ANO2: variants seen among roughly 807,000 people sequenced by gnomAD.
ANO2 encodes the protein anoctamin-2.
A neutral mutation model predicts 124.2 loss-of-function variants in ANO2; 101 were observed. The observed-to-expected ratio is 0.81, with a 90% confidence interval of 0.69 to 0.96. ANO2 has a LOEUF of 0.96. ANO2 is among the 40% of genes least tolerant of loss of function. The pLI, the probability that ANO2 is intolerant of heterozygous loss-of-function variation, is 0.00. For synonymous variants in ANO2, 486 were observed against 482.5 expected (o/e 1.01, Z -0.09); for missense variants, 1,293 against 1,274.5 (o/e 1.01, Z -0.22).
intron 3 of ANO2, among the ~76,000 whole-genome samples, chr12:5,882,984 C>G (rs989575711): frequency 1.3e-5 from 2 of 152,150 alleles, no homozygotes; most frequent in Admixed American, 1.3e-4. Flanking sequence ...GCTGCATGAG[C>G]AGAGATGCTT....
In ANO2 at chr12:5,888,431, T is replaced by C. The variant is rs191975750; in HGVS notation, c.534+32609A>G. ...ATTGCCACCGCTGGCTCCAGCAGCC[T>C]GCTTTTATTCTCTTATCTGGCCCCA... On this transcript the variant is annotated intron_variant, in intron 3 of 24. Coordinates refer to ENST00000682330, the MANE Select transcript of ANO2 (RefSeq NM_001364791.2). Among the ~76,000 whole-genome samples the C allele has an allele frequency of 2.3e-3, 346 of 152,296 alleles. 2 individuals are homozygous for C. The highest frequency in any genetic ancestry group is 7.4e-3 in the African/African-American group (307 of 41,562).
chr12:5,761,310 C>T (rs1210784163), intron 10 of ANO2, among the ~76,000 whole-genome samples: 1 of 152,066 alleles, frequency 6.6e-6, no homozygotes, highest in Non-Finnish European at 1.5e-5. Context: ...GGGAAAAAGG[C>T]TCTTTATTTT....
intron 19 of ANO2, among the ~76,000 whole-genome samples, chr12:5,607,642 A>G (rs1023229265): frequency 6.6e-6 from 1 of 152,072 alleles, no homozygotes; most frequent in Non-Finnish European, 1.5e-5. Flanking sequence ...ATCTGTATTT[A>G]TAGCCACTCT....
chr12:5,945,896 T>C (rs1050952921), upstream of ANO2, among the ~76,000 whole-genome samples: 49 of 152,088 alleles, frequency 3.2e-4, no homozygotes, highest in African/African-American at 1.1e-3. Context: ...CATGAGACGC[T>C]AGGAGGGTTA....
At chr12:5,848,130 G>A (rs1477793712) in intron 4 of ANO2, among the ~76,000 whole-genome samples, 1 of 152,198 alleles carries the variant, frequency 6.6e-6, no homozygotes, top group Non-Finnish European at 1.5e-5. Flanking sequence ...GCAGAAGCTT[G>A]TGTGAACTTA....
chr12:5,651,475 C>T (rs1326653594), intron 14 of ANO2, among the ~76,000 whole-genome samples: 1 of 151,786 alleles, frequency 6.6e-6, no homozygotes, highest in South Asian at 2.1e-4. Flanking sequence ...GGCTGGAGTG[C>T]AATTGCACAA....
intron 1 of ANO2, among the ~76,000 whole-genome samples, chr12:5,932,679 G>A (rs202067205): frequency 4.3e-4 from 63 of 146,042 alleles, no homozygotes; most frequent in African/African-American, 1.5e-3. Flanking sequence ...GAAGGTAGAC[G>A]AGTAAGGAAG....
chr12:5,682,589 GC>G (rs1948544291), intron 14 of ANO2, among the ~76,000 whole-genome samples: 1 of 152,120 alleles, frequency 6.6e-6, no homozygotes, highest in African/African-American at 2.4e-5. Context: ...GGAACTTTCT[GC>G]CCCCCAGCTC....
intron 19 of ANO2, among the ~76,000 whole-genome samples, chr12:5,607,301 T>C (rs1408251098): frequency 6.6e-6 from 1 of 152,220 alleles, no homozygotes; most frequent in African/African-American, 2.4e-5. Context: ...CAGTAAAATG[T>C]TGGCCACCTG....
chr12:5,645,669 C>G (rs915133420), intron 15 of ANO2, among the ~76,000 whole-genome samples: 1 of 152,162 alleles, frequency 6.6e-6, no homozygotes, highest in Non-Finnish European at 1.5e-5. Flanking sequence ...CTGGTCTTTG[C>G]TGTCTGTTCC....
chr12:5,692,857 G>A (rs1176207953), intron 14 of ANO2, among the ~76,000 whole-genome samples: 5 of 152,172 alleles, frequency 3.3e-5, no homozygotes, highest in African/African-American at 7.2e-5. Flanking sequence ...GAACAAAGAA[G>A]ATTGAAAAGT....
chr12:5,755,476 T>C (rs888765886), intron 10 of ANO2, among the ~76,000 whole-genome samples: 1 of 152,126 alleles, frequency 6.6e-6, no homozygotes, highest in Non-Finnish European at 1.5e-5. Context: ...TACGTATGTA[T>C]ACATGTGCCA....
At chr12:5,630,999 C>A (rs1945691292) in intron 16 of ANO2, among the ~76,000 whole-genome samples, 1 of 152,174 alleles carries the variant, frequency 6.6e-6, no homozygotes, top group Admixed American at 6.5e-5. Flanking sequence ...TCCACGGCAG[C>A]CCCCATCAGT....
chr12:5,715,366 G>C (rs1016725641), intron 14 of ANO2, among the ~76,000 whole-genome samples: 1 of 152,144 alleles, frequency 6.6e-6, no homozygotes, highest in Non-Finnish European at 1.5e-5. Context: ...TACCTTCATT[G>C]AAGAGCTCTT....
chr12:5,914,124 C>T (rs530380444), intron 3 of ANO2, among the ~76,000 whole-genome samples: 34 of 151,862 alleles, frequency 2.2e-4, no homozygotes, highest in East Asian at 7.7e-4. Context: ...CACTTGAACC[C>T]GGGAGGCGGA....
chr12:5,759,345 T>A (rs2137104572), intron 10 of ANO2, among the ~76,000 whole-genome samples: 1 of 152,192 alleles, frequency 6.6e-6, no homozygotes, highest in East Asian at 1.9e-4. Flanking sequence ...AAGATCAAAG[T>A]CATTATATAG....
chr12:5,827,623 G>A, intron 7 of ANO2, 146 bp downstream of exon 7: 1 of 964,794 alleles, frequency 1.0e-6, no homozygotes, highest in Non-Finnish European at 1.6e-6. Flanking sequence ...GCCAAGGCAG[G>A]CTTCTCAGCC....
At chr12:5,707,372 C>T (rs1009461810) in intron 14 of ANO2, among the ~76,000 whole-genome samples, 2 of 152,186 alleles carry the variant, frequency 1.3e-5, no homozygotes, top group African/African-American at 4.8e-5. Context: ...AGTGTGAAAA[C>T]AAACTAATAC....
rs185209166 is a variant in ANO2 at position 5,563,542 on chromosome 12, G to A, written c.2754C>T (p.Leu918=). The A allele has an allele frequency of 3.4e-5, 55 of 1,613,968 alleles. No individual in the cohort carries two copies. The highest frequency in any genetic ancestry group is 1.6e-4 in the African/African-American group (12 of 75,046). Residue 918 remains leucine, a synonymous_variant, in exon 25 of 25, where the codon CTC becomes CTT. Transcript: ENST00000682330. The part of the protein sequence containing the change: ...FQNLVMFLSV[L]VDWMIPDIPT... ...GGATGTCTGGAATCATCCAGTCCACGAGGACGCTCAGGAACATCACGAGGT... is the reference window on the plus strand; with the variant it reads ...GGATGTCTGGAATCATCCAGTCCACAAGGACGCTCAGGAACATCACGAGGT...
Sources: gnomAD v4.1 joint callset for allele counts (sites outside exome capture counted in the v4.1 genomes callset) on GRCh38, gnomAD v4.1.1 for gene constraint, MANE v1.5 for transcripts, NCBI Gene and HGNC (gene_info 2026-07-23, HGNC 2026-07-21) for gene names.